Variants in ANK2 observed in about 807,000 individuals in gnomAD.
ANK2 encodes ankyrin 2.
A neutral mutation model predicts 360.5 loss-of-function variants in ANK2; 83 were observed. That is an observed-to-expected ratio of 0.23 (90% confidence interval 0.19 to 0.28). The LOEUF is 0.28. Ranked by LOEUF, ANK2 falls within the 10% of genes least tolerant of loss-of-function variation. The probability of loss-of-function intolerance (pLI) is 1.00; values close to 1 mark genes in which losing one functional copy is unlikely to be tolerated. For missense variants in ANK2, 4,201 were observed against 4,795.7 expected (o/e 0.88, Z 3.66); for synonymous variants, 1,740 against 1,759.5 (o/e 0.99, Z 0.28).
At chr4:113,234,719 A>G (rs3025745) in intron 5 of ANK2, among the ~76,000 whole-genome samples, 116 of 152,340 alleles carry the variant, frequency 7.6e-4, no homozygotes, top group African/African-American at 2.7e-3. Context: ...TCAAGACATT[A>G]TGATCACTTT....
At chr4:112,810,159 ATTTTT>A in the ANK2 span, among the ~76,000 whole-genome samples, 807 of 34,418 alleles carry the variant, frequency 0.023, 3 homozygotes, top group East Asian at 0.073. Flanking sequence ...ATATATATAT[ATTTTT>A]TTTTTTTTTT....
chr4:112,873,574 T>C (rs1389735191), intron 1 of ANK2, among the ~76,000 whole-genome samples: 1 of 151,158 alleles, frequency 6.6e-6, no homozygotes, highest in African/African-American at 2.4e-5. Context: ...TCCCGCTCTG[T>C]TGCCCAGGCT....
At chr4:113,049,197 A>G (rs541203449), upstream of ANK2, among the ~76,000 whole-genome samples, 8 of 152,330 alleles carry the variant, frequency 5.3e-5, no homozygotes, top group South Asian at 1.0e-3. Flanking sequence ...AGTGAATGAC[A>G]TCTGAAAAAC....
chr4:113,306,105 C>A (rs182237432), intron 23 of ANK2, among the ~76,000 whole-genome samples: 2 of 152,198 alleles, frequency 1.3e-5, no homozygotes, highest in East Asian at 3.9e-4. Context: ...ATAACTGATG[C>A]CACAGTGGTC....
chr4:113,027,057 C>G (rs2059432536), intron 2 of ANK2, among the ~76,000 whole-genome samples: 1 of 152,192 alleles, frequency 6.6e-6, no homozygotes, highest in Middle Eastern at 3.4e-3. Context: ...AGATGGCGTG[C>G]TGGATATGGG....
At chr4:113,227,477 A>G (rs1185051573) in intron 4 of ANK2, among the ~76,000 whole-genome samples, 1 of 152,174 alleles carries the variant, frequency 6.6e-6, no homozygotes, top group Non-Finnish European at 1.5e-5. Context: ...CATCACCTAT[A>G]ACAAACTTTT....
chr4:112,814,943 T>G (rs894226975), upstream of ANK2, among the ~76,000 whole-genome samples: 3 of 152,206 alleles, frequency 2.0e-5, no homozygotes, highest in African/African-American at 7.2e-5. Context: ...ACAGTGCTAT[T>G]TTTAAATTGC....
intron 4 of ANK2, among the ~76,000 whole-genome samples, chr4:113,230,603 G>A (rs1287009238): frequency 1.3e-5 from 2 of 152,126 alleles, no homozygotes; most frequent in African/African-American, 4.8e-5. Context: ...TTAATGCATG[G>A]AAAGCTTAAG....
At chr4:113,017,746 C>T (rs1216980977) in intron 2 of ANK2, among the ~76,000 whole-genome samples, 3 of 152,218 alleles carry the variant, frequency 2.0e-5, no homozygotes, top group Non-Finnish European at 4.4e-5. Flanking sequence ...ACTTCAGCTG[C>T]AGCATACAAT....
chr4:112,945,493 T>C (rs1340772536), intron 2 of ANK2, among the ~76,000 whole-genome samples: 1 of 152,196 alleles, frequency 6.6e-6, no homozygotes, highest in Non-Finnish European at 1.5e-5. Flanking sequence ...CCTTTTCTGA[T>C]TGGTAACCAC....
Position 113,354,118 on chromosome 4 carries a change from T to G in ANK2, c.5500T>G (p.Ser1834Ala). 2 of 1,614,050 alleles carry G rather than the reference T, an allele frequency of 1.2e-6. No homozygotes were observed. The highest frequency in any genetic ancestry group is 2.2e-5 in the South Asian group (2 of 91,082). The change falls in exon 38 of 46, where the codon TCC becomes GCC. Residue 1834 changes from serine to alanine, a missense_variant. Ser to Ala is a moderately conservative substitution (Grantham distance 99). Transcript: ENST00000357077. ...TAAAACAGAAAGACACTCTACTCTT[T>G]CCTCTTCCGCAAAAACTGAAAGGCA... is the stretch of plus-strand genomic sequence containing the variant. Reference protein sequence around the residue: ...SPKTERHSTLSSSAKTERHPP... With the variant: ...SPKTERHSTLASSAKTERHPP...
At position 113,279,306 on chromosome 4, in the gene ANK2, A is replaced by C. The variant is rs545114353; in HGVS notation, c.1881+748A>C. ...ATATTTATGCTATATTAGACAATAT[A>C]ATAAAAAAACTGCCACCATTTATTT... On this transcript the variant is annotated intron_variant, in intron 17 of 45. Transcript: ENST00000357077. Among the ~76,000 whole-genome samples, 26 of 152,346 alleles carry C rather than the reference A, an allele frequency of 1.7e-4. No individual in the cohort carries two copies. The South Asian group carries it at 3.5e-3, about 21-fold the overall frequency.
At chr4:112,750,944 C>T in the ANK2 span, among the ~76,000 whole-genome samples, 1 of 152,144 alleles carries the variant, frequency 6.6e-6, no homozygotes, top group Admixed American at 6.5e-5. Context: ...TCAGGCTGGC[C>T]TCGAACTCCT....
Position 113,070,170 on chromosome 4 carries a change from C to A in ANK2, c.84+20358C>A, listed in dbSNP as rs373480853. On this transcript the variant is annotated intron_variant, in intron 1 of 45. Transcript: ENST00000357077. ...CATGCCTTTCTGCTCAGAGAGGTTA[C>A]ATCTTATATTCTCCAAATTTAAATT... is the stretch of plus-strand genomic sequence containing the variant. 12 of 152,324 alleles carry A rather than the reference C, an allele frequency of 7.9e-5. No homozygotes were observed. The South Asian group carries it at 2.3e-3, about 29-fold the overall frequency. 9.4% of individuals were successfully genotyped at this position (152,324 alleles called of 1,614,324 possible). A position where few individuals can be genotyped will look rare whatever the true frequency, so the allele number is the denominator to read the frequency against.
intron 2 of ANK2, among the ~76,000 whole-genome samples, chr4:112,922,181 C>G (rs2091692190): frequency 6.6e-6 from 1 of 152,126 alleles, no homozygotes. Flanking sequence ...CTGGCTCTTT[C>G]TTTAAGAGTT....
chr4:112,847,228 T>C (rs7680385), intron 1 of ANK2, among the ~76,000 whole-genome samples: 100,191 of 152,022 alleles, frequency 0.66, 33,474 homozygotes, highest in East Asian at 0.97. Context: ...GTGTGTCCTG[T>C]GGATACTGCA....
At chr4:113,277,280 G>A (rs140648708) in intron 15 of ANK2, among the ~76,000 whole-genome samples, 1 of 152,322 alleles carries the variant, frequency 6.6e-6, no homozygotes, top group African/African-American at 2.4e-5. Context: ...AAGTCAGGAT[G>A]GGAGTTGCTT....
chr4:113,160,065 A>G (rs1046635226), intron 1 of ANK2, among the ~76,000 whole-genome samples: 4 of 152,212 alleles, frequency 2.6e-5, no homozygotes, highest in African/African-American at 9.6e-5. Context: ...GAGAATGTCG[A>G]GCTGCAGAGC....
chr4:113,225,075 C>A (rs2099200076), intron 4 of ANK2, among the ~76,000 whole-genome samples: 1 of 152,102 alleles, frequency 6.6e-6, no homozygotes, highest in Admixed American at 6.5e-5. Context: ...ACAAACACCA[C>A]ATCTTTTGAG....
Sources: gnomAD v4.1 joint callset for allele counts (sites outside exome capture counted in the v4.1 genomes callset) on GRCh38, gnomAD v4.1.1 for gene constraint, MANE v1.5 for transcripts, NCBI Gene and HGNC (gene_info 2026-07-23, HGNC 2026-07-21) for gene names.